The following RABL6 variants were observed in gnomAD, a reference collection of about 807,000 sequenced individuals.
The protein encoded by RABL6 is rab-like protein 6.
A neutral mutation model predicts 72.9 loss-of-function variants in RABL6; 28 were observed. The ratio of observed to expected loss-of-function variants is 0.38; its 90% CI spans 0.28 to 0.53. RABL6 has a LOEUF of 0.53. Among genes scored for constraint, RABL6 ranks in the 20% least tolerant of loss-of-function variants. The pLI is 0.80. For missense variants in RABL6, 1,029 were observed against 1,008.4 expected (o/e 1.02, Z -0.28); for synonymous variants, 477 against 421.2 (o/e 1.13, Z -1.62).
chr9:136,834,003 C>G (rs957707036), intron 7 of RABL6: 3 of 1,504,524 alleles, frequency 2.0e-6, no homozygotes, highest in Middle Eastern at 1.7e-4. Context: ...AGGGAGAGAA[C>G]GGGACCCTGG....
chr9:136,825,133 C>T (rs780504981), intron 2 of RABL6, among the ~76,000 whole-genome samples: 1 of 152,210 alleles, frequency 6.6e-6, no homozygotes, highest in South Asian at 2.1e-4. Flanking sequence ...GGCCCAGCTG[C>T]GATGGTGCGG....
chr9:136,813,974 A>C, intron 1 of RABL6: 2 of 388,336 alleles, frequency 5.2e-6, no homozygotes, highest in Middle Eastern at 3.8e-4. Flanking sequence ...TTTGTAGCCA[A>C]AAGTATTCTC....
At chr9:136,829,334 G>T in intron 4 of RABL6, 59 bp from the exon 5 acceptor site, 1 of 1,314,370 alleles carries the variant, frequency 7.6e-7, no homozygotes, top group Non-Finnish European at 1.1e-6. Flanking sequence ...TAAAACTGTG[G>T]GCCACACGGG....
rs1848491999 is a variant in RABL6, at chr9:136,832,222, G to A, written c.600-43G>A. On this transcript the variant is annotated intron_variant, in intron 6 of 14. Transcript: ENST00000311502. ...CCCAGGGGTGATCCTTGGCACCAGG[G>A]CAAGGGTCTTTCTCTTGCATCTTTT... 4.5e-6 allele frequency: 7 copies of A among 1,562,116 alleles called. No individual in the cohort carries two copies. In the East Asian group the frequency reaches 1.6e-4, roughly 35 times the overall value.
intron 14 of RABL6, 33 bp downstream of exon 14, chr9:136,840,245 A>T (rs931165148): frequency 1.2e-6 from 2 of 1,612,606 alleles, no homozygotes; most frequent in African/African-American, 2.7e-5. Flanking sequence ...GCAGGCCAGG[A>T]CTGGGTGGCA....
At chr9:136,833,595 C>G in intron 7 of RABL6, 4 of 1,365,890 alleles carry the variant, frequency 2.9e-6, no homozygotes, top group Non-Finnish European at 3.0e-6. Flanking sequence ...GGACCTGAAC[C>G]TCCTCGCCCT....
chr9:136,808,493 GA>G, intron 1 of RABL6, 167 bp downstream of exon 1: 1 of 702,918 alleles, frequency 1.4e-6, no homozygotes, highest in Non-Finnish European at 1.9e-6. Flanking sequence ...GGGACGCGAG[GA>G]GAGGCCAGGC....
intron 1 of RABL6, among the ~76,000 whole-genome samples, chr9:136,818,091 C>T (rs1275589225): frequency 7.3e-6 from 1 of 136,682 alleles, no homozygotes; most frequent in Non-Finnish European, 1.5e-5. Flanking sequence ...ATGACGGGCA[C>T]AGTGGCTCAC....
intron 1 of RABL6, 105 bp downstream of exon 1, chr9:136,808,431 T>A: frequency 8.4e-7 from 1 of 1,192,312 alleles, no homozygotes; most frequent in Non-Finnish European, 1.1e-6. Flanking sequence ...GCTTGCCGGT[T>A]GTGGGGTGCG....
At chr9:136,834,660 G>A (rs2131198811) in intron 7 of RABL6, among the ~76,000 whole-genome samples, 1 of 152,174 alleles carries the variant, frequency 6.6e-6, no homozygotes, top group Non-Finnish European at 1.5e-5. Flanking sequence ...TGTATTTTTA[G>A]TAGGGACGGG....
intron 1 of RABL6, chr9:136,813,031 T>A (rs1848046438): frequency 5.4e-6 from 2 of 372,712 alleles, no homozygotes; most frequent in Middle Eastern, 7.9e-4. Context: ...ACTGTTGCCA[T>A]CTACAGAGCC....
intron 7 of RABL6, chr9:136,834,561 C>T (rs1467991999): frequency 1.3e-6 from 1 of 779,528 alleles, no homozygotes. Context: ...TCACTGTAAC[C>T]TCTGCCTCCT....
intron 4 of RABL6, 40 bp from the exon 5 acceptor site, chr9:136,829,353 A>G: frequency 6.7e-7 from 1 of 1,500,314 alleles, no homozygotes. Flanking sequence ...GGTGGGGCCC[A>G]GCCTGGGCCA....
Position 136,837,863 on chromosome 9 carries a change from G to A in RABL6, c.1128G>A (p.Glu376=), listed in dbSNP as rs1214968477. ...PATEAAPPPP[E]PVPAAEGPAT... is the part of the protein sequence containing the mutation. Reference sequence around the variant, plus strand: ...AGGACCCGGCATCACTGTTCACAGAGCCAGTCCCGGCCGCAGAGGGCCCAG... The same window carrying A: ...AGGACCCGGCATCACTGTTCACAGAACCAGTCCCGGCCGCAGAGGGCCCAG... Residue 376 remains glutamate, a splice_region_variant and synonymous_variant, in exon 10 of 15, where the codon GAG becomes GAA. Transcript: ENST00000311502. 6.5e-7 allele frequency: 1 copy of A among 1,549,124 alleles called. No homozygotes were observed. The highest frequency in any genetic ancestry group is 1.4e-5 in the African/African-American group (1 of 73,134).
rs150503998 is a variant in RABL6, at chr9:136,826,097, G to C, written c.313+271G>C. Among the ~76,000 whole-genome samples, 83 of 152,300 alleles carry C rather than the reference G, an allele frequency of 5.4e-4. No homozygotes were observed. Among genetic ancestry groups the C allele is most frequent in the African/African-American group, 1.9e-3 (79 of 41,544 alleles). ...GGCGGCAGGTGCAGCCGGGGGGTGT[G>C]CTTTGAGCCCCAAGGCCCAGGGTGC... On this transcript the variant is annotated intron_variant, in intron 3 of 14. Transcript: ENST00000311502. This position sits in a 1 kb window ranked among gnomAD's most constrained non-coding sequence, Gnocchi z 4.9.
At chr9:136,818,180 A>G (rs1205428420) in intron 1 of RABL6, among the ~76,000 whole-genome samples, 13 of 151,004 alleles carry the variant, frequency 8.6e-5, no homozygotes, top group Non-Finnish European at 1.2e-4. Flanking sequence ...TGGCTAACAC[A>G]GTGAAACCTC....
In RABL6 at chr9:136,839,134, G is replaced by A. The variant is rs369697597; in HGVS notation, c.1493+13G>A. ...CAGAGACCAAGTGGTAAGGGCAGGT[G>A]TCCCCACGGGTGCGGCCTGGAGACC... On this transcript the variant is annotated intron_variant, in intron 11 of 14. Coordinates refer to ENST00000311502, the MANE Select transcript of RABL6 (RefSeq NM_024718.5). The A allele has an allele frequency of 1.2e-6, 2 of 1,610,666 alleles. No individual in the cohort carries two copies. The highest frequency in any genetic ancestry group is 1.7e-4 in the Middle Eastern group (1 of 5,758).
At chr9:136,820,031 T>C (rs1333133810) in intron 1 of RABL6, among the ~76,000 whole-genome samples, 2 of 152,014 alleles carry the variant, frequency 1.3e-5, no homozygotes. Flanking sequence ...GGTGAACCCC[T>C]GTCTCTACTA....
intron 1 of RABL6, among the ~76,000 whole-genome samples, chr9:136,810,967 C>G (rs1261093912): frequency 1.3e-5 from 2 of 152,210 alleles, no homozygotes; most frequent in Non-Finnish European, 2.9e-5. Flanking sequence ...AGTCTGGGCT[C>G]TCCTCCTGGG....
Sources: gnomAD v4.1 joint callset for allele counts (sites outside exome capture counted in the v4.1 genomes callset) on GRCh38, gnomAD v4.1.1 for gene constraint, Gnocchi (gnomAD v3.1) non-coding constraint, MANE v1.5 for transcripts, NCBI Gene and HGNC (gene_info 2026-07-23, HGNC 2026-07-21) for gene names.